Variants in PIGN observed in about 807,000 individuals in gnomAD.
PIGN encodes phosphatidylinositol glycan anchor biosynthesis class N.
PIGN carries 117 observed loss-of-function variants against 125.4 expected under a neutral mutation model. The observed-to-expected ratio is 0.93, with a 90% confidence interval of 0.80 to 1.09. The LOEUF is 1.09. PIGN is among the 50% of genes least tolerant of loss of function. The pLI, the probability that PIGN is intolerant of heterozygous loss-of-function variation, is 0.00. For synonymous variants in PIGN, 392 were observed against 377.8 expected (o/e 1.04, Z -0.44); for missense variants, 1,075 against 1,094.9 (o/e 0.98, Z 0.26).
intron 25 of PIGN, among the ~76,000 whole-genome samples, chr18:62,085,938 G>C (rs147414120): frequency 8.5e-5 from 13 of 152,278 alleles, no homozygotes; most frequent in South Asian, 2.1e-4. Flanking sequence ...CCACAGAAAT[G>C]GTGAGGCAAC....
chr18:62,104,592 A>C (rs191151460), intron 20 of PIGN, among the ~76,000 whole-genome samples: 1 of 152,190 alleles, frequency 6.6e-6, no homozygotes, highest in Non-Finnish European at 1.5e-5. Context: ...CTCTGCTAAT[A>C]AAGTGACTTC....
chr18:62,131,533 C>T (rs1396067170), intron 14 of PIGN, among the ~76,000 whole-genome samples: 2 of 152,186 alleles, frequency 1.3e-5, no homozygotes, highest in Non-Finnish European at 2.9e-5. Context: ...ATACCATCAC[C>T]AGGGTCTGCC....
chr18:62,078,616 T>C (rs2033294795), intron 28 of PIGN, among the ~76,000 whole-genome samples: 1 of 152,364 alleles, frequency 6.6e-6, no homozygotes, highest in African/African-American at 2.4e-5. Context: ...TCAATATTCA[T>C]GGTGATCTAA....
At chr18:62,143,450 G>A in intron 10 of PIGN, 104 bp from the exon 11 acceptor site, 1 of 692,724 alleles carries the variant, frequency 1.4e-6, no homozygotes. Flanking sequence ...ATAGGTGTTA[G>A]AAATGTCTAT....
rs547533103 is a variant in PIGN at position 62,111,754 on chromosome 18, G to T, written c.1434+1380C>A. Among the ~76,000 whole-genome samples the T allele has an allele frequency of 1.2e-4, 18 of 152,222 alleles. No homozygotes were observed. The East Asian group carries it at 3.5e-3, about 29-fold the overall frequency. ...TTAAAGCTCATCAGCTGTTGATAGT[G>T]TATTTTATGTGTGCCCCAGGACAAT... On this transcript the variant is annotated intron_variant, in intron 16 of 30. Coordinates refer to ENST00000640252, the MANE Select transcript of PIGN (RefSeq NM_176787.5).
chr18:62,126,540 T>C (rs150646235), intron 14 of PIGN, among the ~76,000 whole-genome samples: 130 of 152,262 alleles, frequency 8.5e-4, no homozygotes, highest in African/African-American at 3.0e-3. Context: ...AGTCTCTGCA[T>C]CCCAGTTTCA....
chr18:62,121,434 T>C (rs959025331), intron 14 of PIGN, among the ~76,000 whole-genome samples: 3 of 152,216 alleles, frequency 2.0e-5, no homozygotes, highest in African/African-American at 4.8e-5. Flanking sequence ...TTGAATATTA[T>C]TCAATAAATA....
intron 29 of PIGN, among the ~76,000 whole-genome samples, chr18:62,073,173 GT>G (rs2032985665): frequency 1.8e-4 from 13 of 73,682 alleles, no homozygotes; most frequent in African/African-American, 2.6e-4. Context: ...TATCAGGGGT[GT>G]GTGTGTGTGT....
rs17069440 is a variant in PIGN at position 62,088,510 on chromosome 18, T to A, written c.2370+246A>T. On this transcript the variant is annotated intron_variant, in intron 25 of 30. Coordinates refer to ENST00000640252, the MANE Select transcript of PIGN (RefSeq NM_176787.5). ...TAAAAACACATTTTTAAAAAACATA[T>A]GTGACAAAGTACTAATGGCTAATAT... 1,961 of 222,380 alleles carry A rather than the reference T, an allele frequency of 8.8e-3. 29 individuals are homozygous for A. The highest frequency in any genetic ancestry group is 0.042 in the East Asian group (421 of 10,114). 13.8% of individuals were successfully genotyped at this position (222,380 alleles called of 1,614,324 possible).
At chr18:62,129,648 T>C (rs1217817566) in intron 14 of PIGN, among the ~76,000 whole-genome samples, 3 of 151,886 alleles carry the variant, frequency 2.0e-5, no homozygotes, top group Non-Finnish European at 4.4e-5. Context: ...TATGTTCCCA[T>C]TAGACTTTGT....
chr18:62,073,651 A>G (rs1293809471), intron 29 of PIGN, among the ~76,000 whole-genome samples: 2 of 152,228 alleles, frequency 1.3e-5, no homozygotes, highest in African/African-American at 2.4e-5. Context: ...GGTCAGTTTC[A>G]GAAATACAAT....
intron 22 of PIGN, among the ~76,000 whole-genome samples, chr18:62,099,846 C>G (rs1182789441): frequency 6.6e-6 from 1 of 152,078 alleles, no homozygotes; most frequent in African/African-American, 2.4e-5. Context: ...AAATGTAAGA[C>G]CTGAAACCAT....
Position 62,157,185 on chromosome 18 carries a change from T to A in PIGN, c.386A>T (p.Glu129Val), listed in dbSNP as rs1462291476. The A allele has an allele frequency of 1.2e-6, 2 of 1,609,922 alleles. No homozygotes were observed. The highest frequency in any genetic ancestry group is 2.2e-5 in the South Asian group (2 of 90,286). Residue 129 changes from glutamate (E) to valine (V), a missense_variant, in exon 6 of 31, where the codon GAA becomes GTA. Physicochemically the swap from Glu to Val is moderately radical, Grantham distance 121. Coordinates refer to ENST00000640252, the MANE Select transcript of PIGN (RefSeq NM_176787.5). ...NPVEFDSLFN[E>V]SKYTWSWGSP... ...TCCCCAGCTCCATGTGTATTTACTT[T>A]CATTAAAAAGAGAATCAAACTCTAC...
At chr18:62,067,721 T>C (rs1029437154) in intron 30 of PIGN, among the ~76,000 whole-genome samples, 2 of 152,270 alleles carry the variant, frequency 1.3e-5, no homozygotes, top group Admixed American at 1.3e-4. Flanking sequence ...TACCCATTCA[T>C]GTGCTGATGA....
At chr18:62,033,252 G>T (rs534991883) in intron 23 of PIGN, among the ~76,000 whole-genome samples, 12 of 152,116 alleles carry the variant, frequency 7.9e-5, no homozygotes, top group Non-Finnish European at 1.6e-4. Context: ...AAGGTAGAAC[G>T]CTGACAATCA....
chr18:62,068,027 C>T (rs1013945938), intron 30 of PIGN, among the ~76,000 whole-genome samples: 12 of 152,192 alleles, frequency 7.9e-5, no homozygotes, highest in African/African-American at 2.9e-4. Flanking sequence ...GGAGGCTACA[C>T]ATGCTAGAAT....
chr18:62,018,951 T>C lies in PIGN; in HGVS notation c.2143-1210A>G, dbSNP rs138764064. 3.9e-5 allele frequency among the ~76,000 whole-genome samples: 6 copies of C among 152,282 alleles called. No homozygotes were observed. In the East Asian group the frequency reaches 1.2e-3, roughly 29 times the overall value. On this transcript the variant is annotated intron_variant, in intron 23 of 24. Transcript: ENST00000639600. ...AGCATTGGAGGCTGGGCACAGTGGCTCACACCTGTAATCTCAGTACTTTCG... is the reference window on the plus strand; with the variant it reads ...AGCATTGGAGGCTGGGCACAGTGGCCCACACCTGTAATCTCAGTACTTTCG...
At chr18:62,147,926 T>G (rs1435231719) in intron 8 of PIGN, among the ~76,000 whole-genome samples, 3 of 152,126 alleles carry the variant, frequency 2.0e-5, no homozygotes, top group Non-Finnish European at 2.9e-5. Flanking sequence ...AAAATATTTC[T>G]AAAATATATA....
At chr18:62,119,212 C>T (rs1035653792) in intron 14 of PIGN, among the ~76,000 whole-genome samples, 2 of 151,706 alleles carry the variant, frequency 1.3e-5, no homozygotes, top group African/African-American at 4.8e-5. Flanking sequence ...TGAGATAATC[C>T]AGAGATTCTA....
Sources: gnomAD v4.1 joint callset for allele counts (sites outside exome capture counted in the v4.1 genomes callset) on GRCh38, gnomAD v4.1.1 for gene constraint, MANE v1.5 for transcripts, NCBI Gene and HGNC (gene_info 2026-07-23, HGNC 2026-07-21) for gene names.